Variants in TCN2 observed in about 807,000 individuals in gnomAD.
TCN2 encodes the protein transcobalamin 2.
In TCN2, 34 loss-of-function variants were observed where a neutral mutation model predicts 48.6. That is an observed-to-expected ratio of 0.70 (90% CI 0.53 to 0.93). The LOEUF is 0.93. TCN2 is among the 40% of genes least tolerant of loss of function. The pLI, the probability that TCN2 is intolerant of heterozygous loss-of-function variation, is 0.00. For missense variants in TCN2, 652 were observed against 526.1 expected, an observed-to-expected ratio of 1.24 and a Z score of -2.34; for synonymous variants, 283 against 212.5, an observed-to-expected ratio of 1.33 and a Z score of -2.89.
rs748602405 is a variant in TCN2, at chr22:30,610,826, G to A, written c.65-45G>A. On this transcript the variant is annotated intron_variant, in intron 1 of 8. Coordinates refer to ENST00000215838, the MANE Select transcript of TCN2 (RefSeq NM_000355.4). Reference sequence around the variant, plus strand: ...GTAACGTCAAAGCACTTCTTTGCTGGTGGCCTGGCCCTGTGACCTCATTTG... The same window carrying A: ...GTAACGTCAAAGCACTTCTTTGCTGATGGCCTGGCCCTGTGACCTCATTTG... 10 of 1,607,590 alleles carry A rather than the reference G, an allele frequency of 6.2e-6. No homozygotes were observed. The East Asian group carries it at 1.8e-4, about 29-fold the overall frequency.
chr22:30,613,777 G>A (rs2087573356), intron 3 of TCN2, among the ~76,000 whole-genome samples: 1 of 152,100 alleles, frequency 6.6e-6, no homozygotes, highest in South Asian at 2.1e-4. Context: ...AAACCCTGCA[G>A]GGGCCTCGCA....
At chr22:30,618,361 A>G (rs1043792412) in intron 7 of TCN2, among the ~76,000 whole-genome samples, 2 of 149,230 alleles carry the variant, frequency 1.3e-5, no homozygotes, top group Non-Finnish European at 1.5e-5. Context: ...TTATTTATTT[A>G]TTTATTTCGA....
At chr22:30,624,123 G>A (rs1384253115) in intron 8 of TCN2, among the ~76,000 whole-genome samples, 3 of 145,032 alleles carry the variant, frequency 2.1e-5, no homozygotes, top group East Asian at 4.0e-4. Context: ...TGCCCAGGCC[G>A]GAGTACAATG....
chr22:30,611,801 C>A (rs941258717), intron 2 of TCN2, among the ~76,000 whole-genome samples: 1 of 152,224 alleles, frequency 6.6e-6, no homozygotes, highest in Admixed American at 6.5e-5. Context: ...AGCCACTGCA[C>A]CAATCCAAAA....
intron 7 of TCN2, among the ~76,000 whole-genome samples, chr22:30,622,391 TGAG>T (rs996677075): frequency 7.2e-5 from 11 of 152,100 alleles, no homozygotes; most frequent in African/African-American, 2.7e-4. Flanking sequence ...GAGTGTGAGT[TGAG>T]GAGTCTCTTG....
chr22:30,615,575 C>CT (rs771316433), intron 5 of TCN2, 26 bp from the exon 6 acceptor site: 101 of 1,613,922 alleles, frequency 6.3e-5, no homozygotes, highest in Non-Finnish European at 8.5e-5. Flanking sequence ...CTGACTTCCT[C>CT]TCTCTCTTCC....
At chr22:30,619,764 C>G (rs747236117) in intron 7 of TCN2, among the ~76,000 whole-genome samples, 1 of 152,198 alleles carries the variant, frequency 6.6e-6, no homozygotes, top group Non-Finnish European at 1.5e-5. Context: ...CGGAGAAATG[C>G]AAAGACTCCT....
At chr22:30,610,739 C>G in intron 1 of TCN2, 132 bp from the exon 2 acceptor site, 1 of 874,210 alleles carries the variant, frequency 1.1e-6, no homozygotes, top group Non-Finnish European at 1.8e-6. Context: ...TTTCCCCCTG[C>G]AAGTTGGTGT....
chr22:30,615,309 G>T lies in TCN2; in HGVS notation c.589G>T (p.Ala197Ser), dbSNP rs754108422. The change falls in exon 5 of 9, where the codon GCC becomes TCC. Residue 197 changes from alanine (A) to serine (S), a missense_variant. Transcript: ENST00000215838. ...CTGTCCCCCACTTCAAGACACAGCA[G>T]CCATGGCAGGCTTGGCATTCACCTG... Reference protein sequence around the residue: ...HQGHHSVDTAAMAGLAFTCLK... With the variant: ...HQGHHSVDTASMAGLAFTCLK... 1 of 1,614,088 alleles carries T rather than the reference G, an allele frequency of 6.2e-7. No individual in the cohort carries two copies. Among genetic ancestry groups the T allele is most frequent in the Non-Finnish European group, 8.5e-7 (1 of 1,180,038 alleles).
At chr22:30,615,195 C>T (rs1029056951) in intron 4 of TCN2, 106 bp from the exon 5 acceptor site, 6 of 1,221,232 alleles carry the variant, frequency 4.9e-6, no homozygotes, top group East Asian at 4.7e-5. Flanking sequence ...CTTCTCCAAG[C>T]CCTCCTGTGG....
At chr22:30,626,401 G>T in intron 8 of TCN2, 59 bp from the exon 9 acceptor site, 1 of 1,571,056 alleles carries the variant, frequency 6.4e-7, no homozygotes, top group East Asian at 2.2e-5. Flanking sequence ...TGGAAGATGA[G>T]GTTGCGGGGT....
In TCN2 at chr22:30,623,855, T is replaced by C. The variant is rs1271048785; in HGVS notation, c.1222+772T>C. ...ACATATACACACACATACATACACA[T>C]ACATACACACATATATACACACATA... is the stretch of plus-strand genomic sequence containing the variant. On this transcript the variant is annotated intron_variant, in intron 8 of 8. Coordinates refer to ENST00000215838, the MANE Select transcript of TCN2 (RefSeq NM_000355.4). Among the ~76,000 whole-genome samples the C allele has an allele frequency of 5.3e-4, 30 of 56,242 alleles. 2 individuals carry two copies. Among genetic ancestry groups the C allele is most frequent in the South Asian group, 1.1e-3 (3 of 2,672 alleles). 36.9% of individuals were successfully genotyped at this position (56,242 alleles called of 152,430 possible).
At chr22:30,613,764 C>T (rs1045428983) in intron 3 of TCN2, among the ~76,000 whole-genome samples, 1 of 152,158 alleles carries the variant, frequency 6.6e-6, no homozygotes, top group South Asian at 2.1e-4. Flanking sequence ...GCTGGCACTG[C>T]TTAAACCCTG....
chr22:30,614,295 G>A, intron 3 of TCN2, 54 bp from the exon 4 acceptor site: 4 of 1,589,982 alleles, frequency 2.5e-6, no homozygotes, highest in Non-Finnish European at 3.4e-6. Flanking sequence ...TGCTGGCGGG[G>A]CTGGCTGCTG....
chr22:30,611,496 C>G (rs1174186737), intron 2 of TCN2, among the ~76,000 whole-genome samples: 1 of 152,174 alleles, frequency 6.6e-6, no homozygotes, highest in Non-Finnish European at 1.5e-5. Context: ...CGCATTCTTT[C>G]ATACTGAGCC....
chr22:30,612,604 G>A (rs1199919052), intron 2 of TCN2, among the ~76,000 whole-genome samples: 1 of 152,086 alleles, frequency 6.6e-6, no homozygotes, highest in Non-Finnish European at 1.5e-5. Context: ...GCATATGGGT[G>A]AAGTATGGAC....
At position 30,615,293 on chromosome 22, in the gene TCN2, A is replaced by G. The variant is rs7290898; in HGVS notation, c.581-8A>G. 401 of 1,613,772 alleles carry G rather than the reference A, an allele frequency of 2.5e-4. 1 individual carries two copies. In the African/African-American group the frequency reaches 4.6e-3, roughly 19 times the overall value. On this transcript the variant is annotated splice_region_variant and splice_polypyrimidine_tract_variant and intron_variant, in intron 4 of 8. Transcript: ENST00000215838. ...CAGCTCATTGCATGTTCTGTCCCCC[A>G]CTTCAAGACACAGCAGCCATGGCAG...
chr22:30,610,883 T>G lies in TCN2; in HGVS notation c.77T>G (p.Met26Arg), dbSNP rs758927111. Reference sequence around the variant, plus strand: ...TTTCTTTTCTAAGAAATACCAGAGATGGACAGCCATCTGGTAGAGAAGTTG... The same window carrying G: ...TTTCTTTTCTAAGAAATACCAGAGAGGGACAGCCATCTGGTAGAGAAGTTG... ...ALTEMCEIPE[M>R]DSHLVEKLGQ... The change falls in exon 2 of 9, where the codon ATG (methionine) becomes AGG (arginine). Residue 26 changes from methionine to arginine, a missense_variant. Met to Arg is a moderately conservative substitution (Grantham distance 91). Transcript: ENST00000215838. The G allele has an allele frequency of 1.2e-6, 2 of 1,614,160 alleles. No homozygotes were observed. The highest frequency in any genetic ancestry group is 2.2e-5 in the South Asian group (2 of 91,086).
In TCN2 at chr22:30,614,431, G is replaced by A; in HGVS notation, c.510G>A (p.Arg170=). Residue 170 remains arginine (R), a synonymous_variant, in exon 4 of 9, where the codon CGG becomes CGA. Transcript: ENST00000215838. ...TGGCCCTGTGTCTCCACCAGAAGCG[G>A]GTCCATGACAGCGTGGTGGACAAAC... The part of the protein sequence containing the change: ...GILALCLHQK[R]VHDSVVDKLL... 6.2e-7 allele frequency: 1 copy of A among 1,614,182 alleles called. No homozygotes were observed. Among genetic ancestry groups the A allele is most frequent in the Non-Finnish European group, 8.5e-7 (1 of 1,180,044 alleles).
Sources: allele counts gnomAD v4.1 joint callset (sites outside exome capture counted in the v4.1 genomes callset), GRCh38; gene constraint gnomAD v4.1.1; transcripts MANE v1.5; gene names NCBI Gene and HGNC (gene_info 2026-07-23, HGNC 2026-07-21).